DLAT: variants seen among roughly 807,000 people sequenced by gnomAD.
The protein encoded by DLAT is dihydrolipoamide S-acetyltransferase, also known as dihydrolipoyllysine-residue acetyltransferase component of pyruvate dehydrogenase complex, mitochondrial.
DLAT carries 43 observed loss-of-function variants against 68.0 expected under a neutral mutation model. The ratio of observed to expected loss-of-function variants is 0.63; its 90% CI spans 0.50 to 0.81. The LOEUF is 0.81. Ranked by LOEUF, DLAT falls within the 40% of genes least tolerant of loss-of-function variation. The pLI, the probability that DLAT is intolerant of heterozygous loss-of-function variation, is 0.00. For synonymous variants in DLAT, 265 were observed against 288.6 expected (o/e 0.92, Z 0.83); for missense variants, 745 against 815.4 (o/e 0.91, Z 1.05).
In DLAT at chr11:112,062,873, G is replaced by T; in HGVS notation, c.*338G>T. 1 of 279,430 alleles carries T rather than the reference G, an allele frequency of 3.6e-6. No homozygotes were observed. Among genetic ancestry groups the T allele is most frequent in the Non-Finnish European group, 7.0e-6 (1 of 142,988 alleles). The allele number at this position is 279,430 out of a possible 1,614,324, so 17.3% of individuals were successfully genotyped here. ...GGTTCCCTAAAGACAAGTACATAAA[G>T]GTGACCCTGATGAAACCTTGAAGTT... On this transcript the variant is annotated 3_prime_UTR_variant, in exon 14 of 14. Transcript: ENST00000280346.
Position 112,062,112 on chromosome 11 carries a change from A to G in DLAT, c.1815-294A>G, listed in dbSNP as rs1370070511. On this transcript the variant is annotated intron_variant, in intron 13 of 13. Transcript: ENST00000280346. ...GGGACATATGGCTGCTGTTGCAAAT[A>G]ATCTGCCATTGTAGTATGAAGGGAG... Among the ~76,000 whole-genome samples the G allele has an allele frequency of 2.0e-5, 3 of 152,154 alleles. No individual in the cohort carries two copies. In the East Asian group the frequency reaches 5.8e-4, roughly 29 times the overall value.
chr11:112,028,559 G>A lies in DLAT; in HGVS notation c.426G>A (p.Glu142=), dbSNP rs1862216838. ...KATVGFESLE[E]CYMAKILVAE... ...CTGTTGGATTTGAGAGCCTGGAGGA[G>A]TGTTATATGGCAAAGATACTTGTTG... is the stretch of plus-strand genomic sequence containing the variant. The change falls in exon 3 of 14, where the codon GAG becomes GAA. Residue 142 remains glutamate (E), a synonymous_variant. Coordinates refer to ENST00000280346, the MANE Select transcript of DLAT (RefSeq NM_001931.5). 5.0e-6 allele frequency: 8 copies of A among 1,614,150 alleles called. No homozygotes were observed. The highest frequency in any genetic ancestry group is 6.8e-6 in the Non-Finnish European group (8 of 1,180,030).
At chr11:112,044,376 G>A (rs1390131199) in intron 8 of DLAT, among the ~76,000 whole-genome samples, 1 of 152,104 alleles carries the variant, frequency 6.6e-6, no homozygotes, top group Non-Finnish European at 1.5e-5. Context: ...CGTATGTTTA[G>A]TAGAGACAGG....
At chr11:112,038,441 C>T (rs1862885079) in intron 6 of DLAT, among the ~76,000 whole-genome samples, 1 of 151,328 alleles carries the variant, frequency 6.6e-6, no homozygotes, top group Non-Finnish European at 1.5e-5. Flanking sequence ...TCAGGTGATC[C>T]ACCCACCTCG....
intron 4 of DLAT, among the ~76,000 whole-genome samples, chr11:112,031,984 G>A (rs1023258071): frequency 3.3e-5 from 4 of 121,936 alleles, no homozygotes; most frequent in African/African-American, 6.3e-5. Flanking sequence ...CAACCTCTGC[G>A]ATTCTCATGC....
intron 5 of DLAT, among the ~76,000 whole-genome samples, chr11:112,035,790 CTTTT>C (rs781796619): frequency 9.4e-6 from 1 of 106,694 alleles, no homozygotes; most frequent in Non-Finnish European, 1.9e-5. Flanking sequence ...CGCACCCAGC[CTTTT>C]TTTTTTTTTT....
rs1171052389 is a variant in DLAT at position 112,063,619 on chromosome 11, G to A, written c.*1084G>A. The A allele has an allele frequency of 6.6e-6, 1 of 152,234 alleles. No homozygotes were observed. Among genetic ancestry groups the A allele is most frequent in the Non-Finnish European group, 1.5e-5 (1 of 67,992 alleles). 9.4% of individuals were successfully genotyped at this position (152,234 alleles called of 1,614,324 possible). On this transcript the variant is annotated 3_prime_UTR_variant, in exon 14 of 14. Transcript: ENST00000280346. Reference sequence around the variant, plus strand: ...AAAAGTTAAATGTGTGTAAAAAAGTGTTCTGTGTCCTTCTACTCCAGCATC... The same window carrying A: ...AAAAGTTAAATGTGTGTAAAAAAGTATTCTGTGTCCTTCTACTCCAGCATC...
rs1254794209 is a variant in DLAT, at chr11:112,063,469, G to C, written c.*934G>C. On this transcript the variant is annotated 3_prime_UTR_variant, in exon 14 of 14. Transcript: ENST00000280346. The stretch of plus-strand genomic sequence containing the variant: ...ACATATGTAAAATATTGTTACTAGA[G>C]TTAGATATGTGCCAAAGTCCATTTA... The C allele has an allele frequency of 6.6e-6, 1 of 152,558 alleles. No homozygotes were observed. The highest frequency in any genetic ancestry group is 1.5e-5 in the Non-Finnish European group (1 of 68,002). The allele number at this position is 152,558 out of a possible 1,614,324, so 9.5% of individuals were successfully genotyped here.
chr11:112,046,626 C>T (rs905825708), intron 10 of DLAT, among the ~76,000 whole-genome samples: 3 of 151,994 alleles, frequency 2.0e-5, no homozygotes, highest in Non-Finnish European at 2.9e-5. Context: ...AGCCCCCCAC[C>T]CCCCTACAGG....
intron 5 of DLAT, chr11:112,036,735 G>A (rs1463778667): frequency 1.3e-5 from 2 of 152,968 alleles, no homozygotes; most frequent in African/African-American, 2.4e-5. Flanking sequence ...TCTTTACATT[G>A]AAATACTTGG....
intron 4 of DLAT, among the ~76,000 whole-genome samples, chr11:112,030,589 CAT>C (rs1287713527): frequency 2.1e-4 from 32 of 152,160 alleles, no homozygotes; most frequent in African/African-American, 7.5e-4. Context: ...GTAAGATACA[CAT>C]ATGTAATAGT....
At chr11:112,033,327 A>G in intron 4 of DLAT, 77 bp from the exon 5 acceptor site, 1 of 1,559,530 alleles carries the variant, frequency 6.4e-7, no homozygotes, top group Non-Finnish European at 8.8e-7. Flanking sequence ...ATTCTATGAA[A>G]CCACATAAGT....
chr11:112,055,847 A>ATTTTTTTTTTTTTTTTTT (rs1566635432), intron 11 of DLAT, among the ~76,000 whole-genome samples: 1 of 49,672 alleles, frequency 2.0e-5, no homozygotes, highest in African/African-American at 7.0e-5. Context: ...GCATATAGAC[A>ATTTTTTTTTTTTTTTTTT]CTTTTTTTTT....
At position 112,063,166 on chromosome 11, in the gene DLAT, T is replaced by TC. The variant is rs1440248727; in HGVS notation, c.*637dup. The TC allele has an allele frequency of 6.6e-6, 1 of 152,430 alleles. No individual in the cohort carries two copies. The highest frequency in any genetic ancestry group is 1.5e-5 in the Non-Finnish European group (1 of 68,266). 9.4% of individuals were successfully genotyped at this position (152,430 alleles called of 1,614,324 possible). Reference sequence around the variant, plus strand: ...TCTATGAATTCCTACACATGGTTATTCCCCCCTACTTGAGATAATCTAAAT... The same window carrying TC: ...TCTATGAATTCCTACACATGGTTATTCCCCCCCTACTTGAGATAATCTAAAT... On this transcript the variant is annotated 3_prime_UTR_variant, in exon 14 of 14. Coordinates refer to ENST00000280346, the MANE Select transcript of DLAT (RefSeq NM_001931.5).
intron 11 of DLAT, among the ~76,000 whole-genome samples, chr11:112,055,033 C>A (rs1159697901): frequency 2.0e-5 from 3 of 152,046 alleles, no homozygotes; most frequent in African/African-American, 7.2e-5. Flanking sequence ...AGACCTTTTT[C>A]CAAATAAGGT....
At chr11:112,055,847 ACT>A (rs1864004777) in intron 11 of DLAT, among the ~76,000 whole-genome samples, 2 of 49,672 alleles carry the variant, frequency 4.0e-5, no homozygotes, top group African/African-American at 1.4e-4. Context: ...GCATATAGAC[ACT>A]TTTTTTTTTT....
At chr11:112,029,943 C>T in intron 4 of DLAT, 6 of 872,960 alleles carry the variant, frequency 6.9e-6, no homozygotes, top group Non-Finnish European at 1.1e-5. Flanking sequence ...AGTGATTTTT[C>T]CAAACATTAC....
intron 6 of DLAT, among the ~76,000 whole-genome samples, chr11:112,038,661 A>G (rs1862895296): frequency 1.3e-5 from 2 of 151,008 alleles, no homozygotes; most frequent in South Asian, 4.2e-4. Flanking sequence ...CCTGGCCAAC[A>G]TGGTGAAACC....
At chr11:112,055,680 A>G (rs1755516021) in intron 11 of DLAT, among the ~76,000 whole-genome samples, 1 of 151,578 alleles carries the variant, frequency 6.6e-6, no homozygotes. Context: ...TTGCTTTTAG[A>G]TGCATTCCTT....
Sources: gnomAD v4.1 joint callset for allele counts (sites outside exome capture counted in the v4.1 genomes callset) on GRCh38, gnomAD v4.1.1 for gene constraint, MANE v1.5 for transcripts, NCBI Gene and HGNC (gene_info 2026-07-23, HGNC 2026-07-21) for gene names.